Variants in JMJD1C observed in about 807,000 individuals in gnomAD.
JMJD1C encodes jumonji domain-containing protein 1C.
JMJD1C carries 31 observed loss-of-function variants against 245.3 expected under a neutral mutation model. That is an observed-to-expected ratio of 0.13 (90% CI 0.09 to 0.17). The LOEUF (loss-of-function observed/expected upper bound fraction) is 0.17, where lower values mean the gene tolerates loss of function less well. JMJD1C is among the 10% of genes least tolerant of loss of function. The pLI, the probability that JMJD1C is intolerant of heterozygous loss-of-function variation, is 1.00. For synonymous variants in JMJD1C, 1,057 were observed against 1,017.4 expected (o/e 1.04, Z -0.74); for missense variants, 2,691 against 3,000.2 (o/e 0.90, Z 2.41).
intron 2 of JMJD1C, among the ~76,000 whole-genome samples, chr10:63,364,391 C>G (rs191852184): frequency 5.3e-5 from 8 of 152,320 alleles, no homozygotes; most frequent in African/African-American, 1.9e-4. Flanking sequence ...ACACCCACTC[C>G]CTACATTCTA....
chr10:63,281,458 C>G (rs1382006682), intron 2 of JMJD1C, among the ~76,000 whole-genome samples: 1 of 65,350 alleles, frequency 1.5e-5, no homozygotes, highest in Non-Finnish European at 2.6e-5. Context: ...TGCGCCTGGC[C>G]TTTTTTTTTT....
chr10:63,185,382 T>G (rs943290767), intron 20 of JMJD1C, among the ~76,000 whole-genome samples, 181 bp downstream of exon 20: 2 of 152,236 alleles, frequency 1.3e-5, no homozygotes, highest in African/African-American at 4.8e-5. Flanking sequence ...TCCCCTCGCC[T>G]TGGCCTCCCA....
At chr10:63,381,274 G>C (rs542272311) in intron 1 of JMJD1C, among the ~76,000 whole-genome samples, 1 of 152,178 alleles carries the variant, frequency 6.6e-6, no homozygotes, top group Non-Finnish European at 1.5e-5. Context: ...GGGAGGAGGA[G>C]ATGGGAGGAT....
chr10:63,313,180 T>G (rs895832521), intron 2 of JMJD1C, among the ~76,000 whole-genome samples: 1 of 152,196 alleles, frequency 6.6e-6, no homozygotes, highest in Non-Finnish European at 1.5e-5. Context: ...CTCCCACTTA[T>G]GAAAGAGAAC....
chr10:63,369,038 G>C (rs1194476925), intron 2 of JMJD1C, among the ~76,000 whole-genome samples: 1 of 152,088 alleles, frequency 6.6e-6, no homozygotes, highest in Non-Finnish European at 1.5e-5. Flanking sequence ...AATAATGATG[G>C]AAAATGAATA....
At chr10:63,508,112 T>A (rs867967436) in intron 1 of JMJD1C, among the ~76,000 whole-genome samples, 3 of 152,206 alleles carry the variant, frequency 2.0e-5, no homozygotes, top group Non-Finnish European at 4.4e-5. Context: ...TATCAATGAC[T>A]TTCTAGATAC....
intron 2 of JMJD1C, chr10:63,380,086 T>C: frequency 8.2e-6 from 4 of 485,682 alleles, no homozygotes; most frequent in East Asian, 7.8e-5. Context: ...ACCACAGGTA[T>C]GTGCCACCAC....
intron 3 of JMJD1C, chr10:63,222,062 A>G: frequency 2.1e-6 from 1 of 469,194 alleles, no homozygotes; most frequent in Non-Finnish European, 3.9e-6. Flanking sequence ...TACTATTTTC[A>G]GATATCTCTG....
intron 2 of JMJD1C, among the ~76,000 whole-genome samples, chr10:63,301,201 G>A (rs1207796241): frequency 6.6e-6 from 1 of 152,110 alleles, no homozygotes; most frequent in Non-Finnish European, 1.5e-5. Context: ...TCTTTGCAGA[G>A]ATGGGGTTTT....
At chr10:63,223,761 T>C (rs529303401) in intron 3 of JMJD1C, among the ~76,000 whole-genome samples, 2 of 151,898 alleles carry the variant, frequency 1.3e-5, no homozygotes, top group African/African-American at 4.9e-5. Flanking sequence ...TTTTTTGTTT[T>C]GTTTTGTTTT....
chr10:63,341,605 T>C (rs1219401854), intron 2 of JMJD1C, among the ~76,000 whole-genome samples: 1 of 152,228 alleles, frequency 6.6e-6, no homozygotes, highest in African/African-American at 2.4e-5. Context: ...AAACATTCTC[T>C]ACCAGTAGCT....
At chr10:63,476,962 A>G (rs1280552087) in intron 1 of JMJD1C, among the ~76,000 whole-genome samples, 1 of 152,128 alleles carries the variant, frequency 6.6e-6, no homozygotes, top group Non-Finnish European at 1.5e-5. Context: ...CAAATATTAG[A>G]AGGATAAAAG....
rs1954524044 is a variant in JMJD1C, at chr10:63,500,746, A to AAGGATGGAT, written n.113+20991_113+20992insATCCATCCT. On this transcript the variant is annotated intron_variant and non_coding_transcript_variant, in intron 1 of 3. Transcript: ENST00000633035. ...CTCGATGGATGGATGGATGGATGGA[A>AAGGATGGAT]GGATGGATGGATGGATGGATGGATG... Among the ~76,000 whole-genome samples, 1,106 of 112,106 alleles carry AAGGATGGAT rather than the reference A, an allele frequency of 9.9e-3. 17 individuals are homozygous for AAGGATGGAT. The highest frequency in any genetic ancestry group is 0.032 in the African/African-American group (1,054 of 33,140). The allele number at this position is 112,106 out of a possible 152,430, so 73.5% of individuals were successfully genotyped here.
At chr10:63,243,333 C>G (rs1449003285) in intron 3 of JMJD1C, among the ~76,000 whole-genome samples, 4 of 151,526 alleles carry the variant, frequency 2.6e-5, no homozygotes, top group Non-Finnish European at 5.9e-5. Flanking sequence ...TCGGGACCAG[C>G]CTGACCAACA....
intron 2 of JMJD1C, among the ~76,000 whole-genome samples, chr10:63,372,687 C>T (rs1205581629): frequency 6.6e-6 from 1 of 152,182 alleles, no homozygotes. Flanking sequence ...ATGGGTAAAG[C>T]ACTGTGCTAG....
In JMJD1C at chr10:63,231,726, G is replaced by A. The variant is rs557551227; in HGVS notation, c.448-11743C>T. Among the ~76,000 whole-genome samples, 32 of 152,270 alleles carry A rather than the reference G, an allele frequency of 2.1e-4. 1 individual carries two copies. The East Asian group carries it at 5.4e-3, about 26-fold the overall frequency. ...GGAGAATCGCTTGAATCCAGAAGGC[G>A]GAGGTTGTGGTGCACCAATATTGTG... On this transcript the variant is annotated intron_variant, in intron 3 of 25. Transcript: ENST00000399262.
chr10:63,463,626 AAATT>A (rs753549524), intron 1 of JMJD1C, among the ~76,000 whole-genome samples: 2 of 152,238 alleles, frequency 1.3e-5, no homozygotes, highest in African/African-American at 4.8e-5. Flanking sequence ...TAAAAAAACT[AAATT>A]AATATTCAAA....
At chr10:63,237,094 A>G (rs1055059408) in intron 3 of JMJD1C, among the ~76,000 whole-genome samples, 2 of 152,018 alleles carry the variant, frequency 1.3e-5, no homozygotes, top group Admixed American at 6.6e-5. Flanking sequence ...CTGGAGTGCA[A>G]TGGCGCAATC....
At chr10:63,283,542 A>G (rs928521910) in intron 2 of JMJD1C, among the ~76,000 whole-genome samples, 2 of 151,012 alleles carry the variant, frequency 1.3e-5, no homozygotes, top group Non-Finnish European at 3.0e-5. Flanking sequence ...AATTTTTTTT[A>G]TTTTCAGTAG....
Sources: gnomAD v4.1 joint callset for allele counts (sites outside exome capture counted in the v4.1 genomes callset) on GRCh38, gnomAD v4.1.1 for gene constraint, MANE v1.5 for transcripts, NCBI Gene and HGNC (gene_info 2026-07-23, HGNC 2026-07-21) for gene names.